The following ADAMTS3 variants were observed in gnomAD, a reference collection of about 807,000 sequenced individuals.
ADAMTS3 encodes ADAM metallopeptidase with thrombospondin type 1 motif 3, also known as A disintegrin and metalloproteinase with thrombospondin motifs 3.
Under a neutral mutation model 129.0 loss-of-function variants are expected in ADAMTS3, and 73 were observed. The ratio of observed to expected loss-of-function variants is 0.57; its 90% CI spans 0.47 to 0.69. ADAMTS3 has a LOEUF of 0.69. ADAMTS3 is among the 30% of genes least tolerant of loss of function. The pLI, the probability that ADAMTS3 is intolerant of heterozygous loss-of-function variation, is 0.00. For synonymous variants in ADAMTS3, 477 were observed against 510.8 expected (o/e 0.93, Z 0.89); for missense variants, 1,457 against 1,514.5 (o/e 0.96, Z 0.63).
In ADAMTS3 at chr4:72,445,974, T is replaced by C. The variant is rs1027267928; in HGVS notation, c.505-31003A>G. 5.3e-5 allele frequency among the ~76,000 whole-genome samples: 8 copies of C among 151,676 alleles called. 1 individual carries two copies. Among genetic ancestry groups the C allele is most frequent in the Admixed American group, 2.0e-4 (3 of 15,198 alleles). On this transcript the variant is annotated intron_variant, in intron 3 of 21. Coordinates refer to ENST00000286657, the MANE Select transcript of ADAMTS3 (RefSeq NM_014243.3). ...ACATAGTAGCCAGGATGCTTTGAGC[T>C]GCAAGTAACAGAAGAGCAAACTAAA...
chr4:72,429,304 T>C (rs149097874), intron 3 of ADAMTS3, among the ~76,000 whole-genome samples: 130 of 152,140 alleles, frequency 8.5e-4, no homozygotes, highest in African/African-American at 3.1e-3. Context: ...ATATAGTAAG[T>C]CCTATATACA....
chr4:72,523,243 T>C (rs1237183405), intron 3 of ADAMTS3, among the ~76,000 whole-genome samples: 1 of 152,058 alleles, frequency 6.6e-6, no homozygotes, highest in Non-Finnish European at 1.5e-5. Flanking sequence ...ACCAATAATT[T>C]CCTTAAACTT....
Position 72,298,353 on chromosome 4 carries a change from A to G in ADAMTS3, c.2514T>C (p.Asn838=). 2 of 1,613,226 alleles carry G rather than the reference A, an allele frequency of 1.2e-6. No homozygotes were observed. The highest frequency in any genetic ancestry group is 1.7e-6 in the Non-Finnish European group (2 of 1,179,382). Reference sequence around the variant, plus strand: ...AAGTATCTAATTCTTCCTGGATGACATTGTTGCTGTTGATTGTAGGTACAG... The same window carrying G: ...AAGTATCTAATTCTTCCTGGATGACGTTGTTGCTGTTGATTGTAGGTACAG... ...EDSVPTINSN[N]VIQEELDTFE... The change falls in exon 18 of 22, where the codon AAT becomes AAC. Residue 838 remains asparagine, a synonymous_variant. Transcript: ENST00000286657.
intron 4 of ADAMTS3, among the ~76,000 whole-genome samples, chr4:72,385,610 T>TA (rs1721425565): frequency 6.6e-6 from 1 of 151,972 alleles, no homozygotes; most frequent in South Asian, 2.1e-4. Flanking sequence ...AGGTTGAAAG[T>TA]AAATATGTGG....
rs1207908566 is a variant in ADAMTS3, at chr4:72,305,873, C to T, written c.2260+114G>A. 4 of 872,748 alleles carry T rather than the reference C, an allele frequency of 4.6e-6. No individual in the cohort carries two copies. In the East Asian group the frequency reaches 1.0e-4, roughly 22 times the overall value. 54.1% of individuals were successfully genotyped at this position (872,748 alleles called of 1,614,324 possible). ...ACATATACGTATGCACATGTATGTA[C>T]ATATACGTATGCACATATATGTGTA... On this transcript the variant is annotated intron_variant, in intron 16 of 21. Transcript: ENST00000286657.
rs748295838 is a variant in ADAMTS3 at position 72,288,882 on chromosome 4, G to C, written c.2932-14C>G. 1 of 1,553,774 alleles carries C rather than the reference G, an allele frequency of 6.4e-7. No homozygotes were observed. The highest frequency in any genetic ancestry group is 1.1e-5 in the South Asian group (1 of 89,708). On this transcript the variant is annotated splice_polypyrimidine_tract_variant and intron_variant, in intron 20 of 21. Coordinates refer to ENST00000286657, the MANE Select transcript of ADAMTS3 (RefSeq NM_014243.3). Reference sequence around the variant, plus strand: ...GGTCACTGAACACTGCAGAGACAAAGGCTGTGGTTACAGACATTTATTGCA... The same window carrying C: ...GGTCACTGAACACTGCAGAGACAAACGCTGTGGTTACAGACATTTATTGCA...
At chr4:72,554,501 C>T (rs972516908) in intron 2 of ADAMTS3, among the ~76,000 whole-genome samples, 2 of 152,140 alleles carry the variant, frequency 1.3e-5, no homozygotes, top group Admixed American at 6.5e-5. Context: ...TATATCTAAA[C>T]CAAACTGAAT....
chr4:72,326,209 A>C (rs554063867), intron 5 of ADAMTS3, among the ~76,000 whole-genome samples: 4 of 152,228 alleles, frequency 2.6e-5, no homozygotes, highest in African/African-American at 9.6e-5. Flanking sequence ...AATACAAGGG[A>C]ATAATATTTT....
intron 3 of ADAMTS3, among the ~76,000 whole-genome samples, chr4:72,479,895 G>T (rs961895810): frequency 1.3e-5 from 2 of 152,100 alleles, no homozygotes; most frequent in Non-Finnish European, 2.9e-5. Context: ...GATATGAACA[G>T]ACACTTCTCA....
intron 3 of ADAMTS3, among the ~76,000 whole-genome samples, chr4:72,452,270 A>G (rs889052458): frequency 2.0e-5 from 3 of 151,418 alleles, no homozygotes; most frequent in African/African-American, 7.3e-5. Flanking sequence ...ATGTTATAAT[A>G]CGTATAAGTT....
Position 72,371,133 on chromosome 4 carries a change from A to G in ADAMTS3, c.662-31440T>C, listed in dbSNP as rs563584889. Among the ~76,000 whole-genome samples the G allele has an allele frequency of 2.4e-4, 37 of 152,222 alleles. 1 individual carries two copies. The highest frequency in any genetic ancestry group is 2.3e-3 in the South Asian group (11 of 4,812). ...GGGAGACATCAGCAGATATTTTCTC[A>G]TACTGCCACAAGGAACCAACTCTGC... On this transcript the variant is annotated intron_variant, in intron 4 of 21. Transcript: ENST00000286657.
intron 13 of ADAMTS3, 134 bp downstream of exon 13, chr4:72,312,157 A>C (rs1719251973): frequency 1.2e-6 from 1 of 869,334 alleles, no homozygotes; most frequent in African/African-American, 1.7e-5. Context: ...GAAACCCAGG[A>C]GAACTTACTC....
chr4:72,479,342 A>G (rs1204674305), intron 3 of ADAMTS3, among the ~76,000 whole-genome samples: 1 of 152,214 alleles, frequency 6.6e-6, no homozygotes, highest in Non-Finnish European at 1.5e-5. Context: ...GTACCAAAAC[A>G]GAGATATAGA....
At chr4:72,460,527 T>TG (rs1718738467) in intron 3 of ADAMTS3, among the ~76,000 whole-genome samples, 1 of 151,164 alleles carries the variant, frequency 6.6e-6, no homozygotes, top group Admixed American at 6.6e-5. Context: ...AAAAATTCCT[T>TG]GAAAAAATTA....
At chr4:72,403,196 A>G (rs1378399701) in intron 4 of ADAMTS3, among the ~76,000 whole-genome samples, 1 of 152,078 alleles carries the variant, frequency 6.6e-6, no homozygotes, top group Non-Finnish European at 1.5e-5. Context: ...ATTTGTACTG[A>G]GTGAGGCCTG....
intron 3 of ADAMTS3, among the ~76,000 whole-genome samples, chr4:72,425,375 G>A (rs569636247): frequency 6.6e-6 from 1 of 151,934 alleles, no homozygotes; most frequent in South Asian, 2.1e-4. Flanking sequence ...GGGTACATGT[G>A]CACAATGTGC....
intron 3 of ADAMTS3, among the ~76,000 whole-genome samples, chr4:72,483,501 C>A (rs568142494): frequency 2.0e-5 from 3 of 152,134 alleles, no homozygotes; most frequent in Non-Finnish European, 4.4e-5. Flanking sequence ...AAGAGTGACA[C>A]CCCATCAACA....
intron 3 of ADAMTS3, among the ~76,000 whole-genome samples, chr4:72,512,415 C>T (rs147510798): frequency 0.045 from 6,921 of 152,120 alleles, 508 homozygotes; most frequent in African/African-American, 0.16. Context: ...TCGCTTGAAC[C>T]CAGGAGGCAG....
chr4:72,530,946 T>TG (rs1353398273), intron 3 of ADAMTS3, among the ~76,000 whole-genome samples: 4 of 147,492 alleles, frequency 2.7e-5, no homozygotes, highest in Non-Finnish European at 4.4e-5. Flanking sequence ...AACACTGAAA[T>TG]GGAGTCTTAA....
Sources: gnomAD v4.1 joint callset for allele counts (sites outside exome capture counted in the v4.1 genomes callset) on GRCh38, gnomAD v4.1.1 for gene constraint, MANE v1.5 for transcripts, NCBI Gene and HGNC (gene_info 2026-07-23, HGNC 2026-07-21) for gene names.